The following HEPACAM variants were observed in gnomAD, a reference collection of about 807,000 sequenced individuals.
The protein encoded by HEPACAM is hepatic and glial cell adhesion molecule.
Under a neutral mutation model 38.3 loss-of-function variants are expected in HEPACAM, and 18 were observed. The ratio of observed to expected loss-of-function variants is 0.47; its 90% CI spans 0.33 to 0.70. The LOEUF is 0.70. HEPACAM is among the 30% of genes least tolerant of loss of function. The pLI, the probability that HEPACAM is intolerant of heterozygous loss-of-function variation, is 0.03. For synonymous variants in HEPACAM, 216 were observed against 243.1 expected (o/e 0.89, Z 1.04); for missense variants, 466 against 563.0 (o/e 0.83, Z 1.74).
Position 124,921,437 on chromosome 11 carries a change from A to G in HEPACAM, c.952T>C (p.Ser318Pro). Residue 318 changes from serine to proline, a missense_variant, in exon 7 of 7, where the codon TCC (serine) becomes CCC (proline). Physicochemically the swap from Ser to Pro is moderately conservative, Grantham distance 74. Coordinates refer to ENST00000298251, the MANE Select transcript of HEPACAM (RefSeq NM_152722.5). The surrounding 1 kb of genome is among the most constrained non-coding windows in gnomAD (Gnocchi z 4.6). Reference protein sequence around the residue: ...MALYILKDKDSPETEENPAPE... With the variant: ...MALYILKDKDPPETEENPAPE... The stretch of plus-strand genomic sequence containing the variant: ...GCCGGGTTCTCCTCGGTCTCCGGGG[A>G]GTCCTGCAAGGACACGCGCCGCAGG... 1 of 1,266,720 alleles carries G rather than the reference A, an allele frequency of 7.9e-7. No individual in the cohort carries two copies. Among genetic ancestry groups the G allele is most frequent in the Non-Finnish European group, 9.9e-7 (1 of 1,009,076 alleles). The allele number at this position is 1,266,720 out of a possible 1,614,324, so 78.5% of individuals were successfully genotyped here.
chr11:124,924,494 G>C lies in HEPACAM; in HGVS notation c.427+234C>G. 1 of 593,712 alleles carries C rather than the reference G, an allele frequency of 1.7e-6. No homozygotes were observed. The highest frequency in any genetic ancestry group is 1.9e-5 in the South Asian group (1 of 52,324). 36.8% of individuals were successfully genotyped at this position (593,712 alleles called of 1,614,324 possible). On this transcript the variant is annotated intron_variant, in intron 2 of 6. Coordinates refer to ENST00000298251, the MANE Select transcript of HEPACAM (RefSeq NM_152722.5). The surrounding 1 kb of genome is among the most constrained non-coding windows in gnomAD (Gnocchi z 4.4). Reference sequence around the variant, plus strand: ...ATGAACTATCACCAGACTATTATAAGCATTAAATGAGTCAACATATGCAAA... The same window carrying C: ...ATGAACTATCACCAGACTATTATAACCATTAAATGAGTCAACATATGCAAA...
At chr11:124,925,153 C>G in intron 1 of HEPACAM, 84 bp from the exon 2 acceptor site, 1 of 1,096,548 alleles carries the variant, frequency 9.1e-7, no homozygotes, top group Non-Finnish European at 1.3e-6. Flanking sequence ...CCTCTGATCT[C>G]CCAAAGCTTC....
chr11:124,932,713 C>T (rs898636794), intron 1 of HEPACAM, among the ~76,000 whole-genome samples: 23 of 152,154 alleles, frequency 1.5e-4, no homozygotes, highest in African/African-American at 5.5e-4. Flanking sequence ...GTGACTGAGT[C>T]GTAGCAAAGA....
At chr11:124,932,202 T>C (rs987041424) in intron 1 of HEPACAM, among the ~76,000 whole-genome samples, 2 of 152,196 alleles carry the variant, frequency 1.3e-5, no homozygotes, top group Non-Finnish European at 2.9e-5. Flanking sequence ...TAAATGTACC[T>C]TCTTGTATGT....
intron 1 of HEPACAM, among the ~76,000 whole-genome samples, chr11:124,929,381 CAG>C (rs927434322): frequency 3.3e-5 from 5 of 152,162 alleles, no homozygotes; most frequent in Non-Finnish European, 7.3e-5. Flanking sequence ...TGAAAGCTGA[CAG>C]AGAGAGCAGT....
At position 124,922,412 on chromosome 11, in the gene HEPACAM, C is replaced by T. The variant is rs760396283; in HGVS notation, c.924G>A (p.Met308Ile). ...RSGEQERKNPMALYILKDKDS... is the reference protein window; with the variant it reads ...RSGEQERKNPIALYILKDKDS... ...CCTTGTCCTTCAGGATATAGAGTGCCATGGGGTTCTTCCGTTCCTGCTCAC... is the reference window on the plus strand; with the variant it reads ...CCTTGTCCTTCAGGATATAGAGTGCTATGGGGTTCTTCCGTTCCTGCTCAC... Residue 308 changes from methionine to isoleucine, a missense_variant, in exon 6 of 7, where the codon ATG becomes ATA. Physicochemically the swap from Met to Ile is conservative, Grantham distance 10. Transcript: ENST00000298251. The T allele has an allele frequency of 6.2e-7, 1 of 1,614,184 alleles. No homozygotes were observed. The highest frequency in any genetic ancestry group is 1.3e-5 in the African/African-American group (1 of 75,036).
At chr11:124,928,478 GC>G (rs1947245242) in intron 1 of HEPACAM, among the ~76,000 whole-genome samples, 1 of 152,126 alleles carries the variant, frequency 6.6e-6, no homozygotes, top group Non-Finnish European at 1.5e-5. Flanking sequence ...TGCTATGCAC[GC>G]AAGGGTTACA....
chr11:124,921,024 C>A lies in HEPACAM; in HGVS notation c.*114G>T. ...CGTTCACACCCGAGACACCAGCGCC[C>A]CCCCGGGACCTCCCCTCGTCCCCAG... is the stretch of plus-strand genomic sequence containing the variant. On this transcript the variant is annotated 3_prime_UTR_variant, in exon 7 of 7. Coordinates refer to ENST00000298251, the MANE Select transcript of HEPACAM (RefSeq NM_152722.5). This position sits in a 1 kb window ranked among gnomAD's most constrained non-coding sequence, Gnocchi z 4.6. The A allele has an allele frequency of 7.1e-7, 1 of 1,403,990 alleles. No individual in the cohort carries two copies. The highest frequency in any genetic ancestry group is 9.2e-7 in the Non-Finnish European group (1 of 1,083,242). 87.0% of individuals were successfully genotyped at this position (1,403,990 alleles called of 1,614,324 possible).
At chr11:124,927,454 C>T (rs1448207888) in intron 1 of HEPACAM, among the ~76,000 whole-genome samples, 4 of 151,812 alleles carry the variant, frequency 2.6e-5, no homozygotes, top group Admixed American at 2.0e-4. Context: ...GCGATCCTCC[C>T]ACCTCAGCCT....
intron 1 of HEPACAM, among the ~76,000 whole-genome samples, chr11:124,928,956 C>T (rs1591551884): frequency 6.6e-6 from 1 of 152,204 alleles, no homozygotes; most frequent in African/African-American, 2.4e-5. Context: ...TTAACTGACA[C>T]CTGTCTGAGA....
intron 1 of HEPACAM, among the ~76,000 whole-genome samples, chr11:124,931,144 T>C (rs1239081504): frequency 6.6e-6 from 1 of 152,256 alleles, no homozygotes; most frequent in Non-Finnish European, 1.5e-5. Flanking sequence ...AAGTTCACAA[T>C]TTTAAAGAAA....
chr11:124,921,360 A>G lies in HEPACAM; in HGVS notation c.1029T>C (p.Ser343=). 1 of 1,269,514 alleles carries G rather than the reference A, an allele frequency of 7.9e-7. No individual in the cohort carries two copies. The highest frequency in any genetic ancestry group is 9.9e-7 in the Non-Finnish European group (1 of 1,011,776). The allele number at this position is 1,269,514 out of a possible 1,614,324, so 78.6% of individuals were successfully genotyped here. A position where few individuals can be genotyped will look rare whatever the true frequency, so the allele number is the denominator to read the frequency against. ...CCGGCGAGCGGCCGGGCACGGCGGG[A>G]GACACGGAGTAGCCGGGCGGGCCGG... is the stretch of plus-strand genomic sequence containing the variant. The part of the protein sequence containing the change: ...TEPGPPGYSV[S]PAVPGRSPGL... The change falls in exon 7 of 7, where the codon TCT becomes TCC. Residue 343 remains serine (S), a synonymous_variant. Transcript: ENST00000298251. This position sits in a 1 kb window ranked among gnomAD's most constrained non-coding sequence, Gnocchi z 4.6.
At chr11:124,935,147 C>T (rs541100033) in intron 1 of HEPACAM, among the ~76,000 whole-genome samples, 2 of 152,284 alleles carry the variant, frequency 1.3e-5, no homozygotes, top group African/African-American at 4.8e-5. Flanking sequence ...CCTACCAACA[C>T]CCCCTCCACC....
rs563362586 is a variant in HEPACAM, at chr11:124,921,862, A to G, written c.949-422T>C. Among the ~76,000 whole-genome samples the G allele has an allele frequency of 1.3e-5, 2 of 152,222 alleles. No individual in the cohort carries two copies. The highest frequency in any genetic ancestry group is 6.5e-5 in the Admixed American group (1 of 15,292). On this transcript the variant is annotated intron_variant, in intron 6 of 6. Coordinates refer to ENST00000298251, the MANE Select transcript of HEPACAM (RefSeq NM_152722.5). The surrounding 1 kb of genome is among the most constrained non-coding windows in gnomAD (Gnocchi z 4.6). ...CAGCCTTGTTTTTTCTAATCTCTAA[A>G]ATGTGCATGACACAAATATTTCACA...
intron 1 of HEPACAM, among the ~76,000 whole-genome samples, chr11:124,931,084 A>G (rs1046761868): frequency 1.2e-4 from 18 of 152,256 alleles, no homozygotes; most frequent in African/African-American, 4.1e-4. Flanking sequence ...TTTGCAATAC[A>G]TATATCCTAT....
intron 1 of HEPACAM, among the ~76,000 whole-genome samples, chr11:124,927,349 C>CTTT (rs201026909): frequency 2.1e-5 from 3 of 143,296 alleles, no homozygotes; most frequent in Non-Finnish European, 4.6e-5. Flanking sequence ...TTAACTCTGA[C>CTTT]TTTTTTTTTT....
intron 3 of HEPACAM, 123 bp downstream of exon 3, chr11:124,923,606 G>A: frequency 7.8e-7 from 1 of 1,289,546 alleles, no homozygotes; most frequent in Non-Finnish European, 1.1e-6. Flanking sequence ...GTCCTCCATG[G>A]ATAGTTGGCC....
At chr11:124,927,846 G>A (rs978771713) in intron 1 of HEPACAM, among the ~76,000 whole-genome samples, 1 of 151,816 alleles carries the variant, frequency 6.6e-6, no homozygotes, top group East Asian at 1.9e-4. Context: ...AGCTGAGATT[G>A]CACCACTGCA....
rs1947182076 is a variant in HEPACAM at position 124,924,539 on chromosome 11, G to C, written c.427+189C>G. The C allele has an allele frequency of 2.9e-6, 2 of 683,374 alleles. No individual in the cohort carries two copies. Among genetic ancestry groups the C allele is most frequent in the Non-Finnish European group, 5.3e-6 (2 of 375,834 alleles). The allele number at this position is 683,374 out of a possible 1,614,324, so 42.3% of individuals were successfully genotyped here. A position where few individuals can be genotyped will look rare whatever the true frequency, so the allele number is the denominator to read the frequency against. On this transcript the variant is annotated intron_variant, in intron 2 of 6. Coordinates refer to ENST00000298251, the MANE Select transcript of HEPACAM (RefSeq NM_152722.5). The surrounding 1 kb of genome is among the most constrained non-coding windows in gnomAD (Gnocchi z 4.4). Reference sequence around the variant, plus strand: ...TGCAAAGCACTTAGAATAGTTTCTGGCACATGGCAATCACTCTACATGTTA... The same window carrying C: ...TGCAAAGCACTTAGAATAGTTTCTGCCACATGGCAATCACTCTACATGTTA...
Sources: gnomAD v4.1 joint callset for allele counts (sites outside exome capture counted in the v4.1 genomes callset) on GRCh38, gnomAD v4.1.1 for gene constraint, Gnocchi (gnomAD v3.1) non-coding constraint, MANE v1.5 for transcripts, NCBI Gene and HGNC (gene_info 2026-07-23, HGNC 2026-07-21) for gene names.